Variants in STT3B observed in about 807,000 individuals in gnomAD.
STT3B encodes dolichyl-diphosphooligosaccharide--protein glycosyltransferase subunit STT3B.
In STT3B, 29 loss-of-function variants were observed where a neutral mutation model predicts 96.8. That is an observed-to-expected ratio of 0.30 (90% CI 0.22 to 0.41). STT3B has a LOEUF of 0.41. Among genes scored for constraint, STT3B ranks in the 10% least tolerant of loss-of-function variants. The pLI, the probability that STT3B is intolerant of heterozygous loss-of-function variation, is 1.00. For synonymous variants in STT3B, 367 were observed against 360.0 expected, an observed-to-expected ratio of 1.02 and a Z score of -0.22; for missense variants, 640 against 1,022.3, an observed-to-expected ratio of 0.63 and a Z score of 5.10.
chr3:31,557,497 A>T (rs2125442930), intron 1 of STT3B, among the ~76,000 whole-genome samples: 1 of 152,146 alleles, frequency 6.6e-6, no homozygotes, highest in Admixed American at 6.5e-5. Context: ...AATATTTCCG[A>T]TCCATGGGCA....
chr3:31,603,026 G>GTA (rs1362544424), intron 5 of STT3B, among the ~76,000 whole-genome samples: 7 of 151,874 alleles, frequency 4.6e-5, no homozygotes, highest in Admixed American at 4.6e-4. Flanking sequence ...TAAAGTGTTT[G>GTA]TATATAAAGT....
intron 5 of STT3B, among the ~76,000 whole-genome samples, chr3:31,606,333 A>G (rs138772585): frequency 1.1e-3 from 174 of 152,326 alleles, no homozygotes; most frequent in Non-Finnish European, 1.4e-3. Context: ...AGGGCATGTC[A>G]GAGACCTTTG....
intron 1 of STT3B, 45 bp from the exon 2 acceptor site, chr3:31,576,351 C>A (rs2125451898): frequency 1.8e-6 from 2 of 1,122,774 alleles, no homozygotes; most frequent in Non-Finnish European, 1.3e-6. Flanking sequence ...GGAGCTATTT[C>A]TATTAAGCAG....
At chr3:31,600,995 A>G (rs541591648) in intron 5 of STT3B, among the ~76,000 whole-genome samples, 6 of 152,308 alleles carry the variant, frequency 3.9e-5, no homozygotes, top group South Asian at 2.1e-4. Context: ...TAGAACTTCT[A>G]TGGGTTGAAG....
At chr3:31,584,836 T>G (rs577897182) in intron 3 of STT3B, among the ~76,000 whole-genome samples, 2 of 152,258 alleles carry the variant, frequency 1.3e-5, no homozygotes, top group South Asian at 4.1e-4. Context: ...TCTCATTCAG[T>G]TTTCTCTTAA....
chr3:31,565,341 G>C (rs192702082), intron 1 of STT3B, among the ~76,000 whole-genome samples: 1 of 152,300 alleles, frequency 6.6e-6, no homozygotes, highest in Admixed American at 6.5e-5. Context: ...AATCTCCCAA[G>C]TAGTTGTGTA....
At chr3:31,594,638 C>T (rs1466699805) in intron 3 of STT3B, among the ~76,000 whole-genome samples, 1 of 152,016 alleles carries the variant, frequency 6.6e-6, no homozygotes, top group African/African-American at 2.4e-5. Flanking sequence ...TCATGTTGTC[C>T]AGGATGGTCT....
rs199938328 is a variant in STT3B, at chr3:31,602,303, C to CT, written c.877+1855dup. On this transcript the variant is annotated intron_variant, in intron 5 of 15. Coordinates refer to ENST00000295770, the MANE Select transcript of STT3B (RefSeq NM_178862.3). The stretch of plus-strand genomic sequence containing the variant: ...GGAGAATAATAAATAACAGATTAAA[C>CT]TTTTTTTTTTTAAGTTAAATGGTTA... Among the ~76,000 whole-genome samples, 2,898 of 147,418 alleles carry CT rather than the reference C, an allele frequency of 0.02. 285 individuals are homozygous for CT. The East Asian group carries it at 0.32, about 16-fold the overall frequency.
chr3:31,538,929 C>T (rs1697164750), intron 1 of STT3B, among the ~76,000 whole-genome samples: 1 of 152,026 alleles, frequency 6.6e-6, no homozygotes, highest in African/African-American at 2.4e-5. Context: ...AAGTGGAATA[C>T]TGTAGGGTTT....
At chr3:31,541,134 C>G (rs1697255179) in intron 1 of STT3B, among the ~76,000 whole-genome samples, 2 of 152,144 alleles carry the variant, frequency 1.3e-5, no homozygotes, top group Non-Finnish European at 2.9e-5. Context: ...ATGAGTTCTG[C>G]AAAGGATTTC....
At chr3:31,616,891 ACTG>A (rs1222681604) in intron 6 of STT3B, 35 bp from the exon 7 acceptor site, 1 of 1,546,924 alleles carries the variant, frequency 6.5e-7, no homozygotes, top group East Asian at 2.3e-5. Context: ...ACCTTGGAAA[ACTG>A]CTTTGTTGAT....
chr3:31,551,639 C>T (rs930956293), intron 1 of STT3B, among the ~76,000 whole-genome samples: 1 of 152,136 alleles, frequency 6.6e-6, no homozygotes, highest in Non-Finnish European at 1.5e-5. Context: ...TTTTGGTAGT[C>T]GTATGTGTAA....
At chr3:31,545,591 A>G (rs1284447757) in intron 1 of STT3B, among the ~76,000 whole-genome samples, 2 of 152,162 alleles carry the variant, frequency 1.3e-5, no homozygotes, top group African/African-American at 2.4e-5. Flanking sequence ...GAACATTACC[A>G]ATTTTACATC....
At chr3:31,633,616 AT>A (rs1347382752) in intron 15 of STT3B, among the ~76,000 whole-genome samples, 2 of 88,958 alleles carry the variant, frequency 2.2e-5, no homozygotes, top group Non-Finnish European at 4.5e-5. Flanking sequence ...TAAGATAATT[AT>A]TTTTTAATGT....
At chr3:31,534,459 T>C (rs1697035374) in intron 1 of STT3B, among the ~76,000 whole-genome samples, 1 of 152,258 alleles carries the variant, frequency 6.6e-6, no homozygotes, top group South Asian at 2.1e-4. Flanking sequence ...AGTGTTATCT[T>C]ATTGACCTGT....
chr3:31,607,156 A>T (rs776660561), intron 5 of STT3B, among the ~76,000 whole-genome samples: 1 of 152,194 alleles, frequency 6.6e-6, no homozygotes, highest in Non-Finnish European at 1.5e-5. Flanking sequence ...TTACAGGCTC[A>T]TAGGCAGAAG....
Position 31,552,873 on chromosome 3 carries a change from A to G in STT3B, c.314+19561A>G, listed in dbSNP as rs542490698. ...AATCCCAGCACTTTGGGAGGCCGAG[A>G]CGGGCGGATCACGAGGTCAGGAGAT... is the stretch of plus-strand genomic sequence containing the variant. On this transcript the variant is annotated intron_variant, in intron 1 of 15. Transcript: ENST00000295770. Among the ~76,000 whole-genome samples, 7 of 151,972 alleles carry G rather than the reference A, an allele frequency of 4.6e-5. No individual in the cohort carries two copies. In the South Asian group the frequency reaches 1.0e-3, roughly 23 times the overall value.
At chr3:31,578,599 T>C (rs1465136773) in intron 2 of STT3B, among the ~76,000 whole-genome samples, 1 of 151,968 alleles carries the variant, frequency 6.6e-6, no homozygotes, top group African/African-American at 2.4e-5. Context: ...AATTACACAC[T>C]GGTACCTAGT....
chr3:31,588,216 ACT>A (rs1215794565), intron 3 of STT3B, among the ~76,000 whole-genome samples: 2 of 151,312 alleles, frequency 1.3e-5, no homozygotes, highest in Non-Finnish European at 2.9e-5. Context: ...AGAACTTTCG[ACT>A]CTGTTTAATA....
Sources: gnomAD v4.1 joint callset for allele counts (sites outside exome capture counted in the v4.1 genomes callset) on GRCh38, gnomAD v4.1.1 for gene constraint, MANE v1.5 for transcripts, NCBI Gene and HGNC (gene_info 2026-07-23, HGNC 2026-07-21) for gene names.